The following THOC5 variants were observed in gnomAD, a reference collection of about 807,000 sequenced individuals.
The protein encoded by THOC5 is THO complex subunit 5, also known as Fms-interacting protein.
A neutral mutation model predicts 92.9 loss-of-function variants in THOC5; 43 were observed. The observed-to-expected ratio is 0.46, with a 90% CI of 0.36 to 0.60. THOC5 has a LOEUF of 0.60. Among genes scored for constraint, THOC5 ranks in the 20% least tolerant of loss-of-function variants. The probability of loss-of-function intolerance (pLI) is 0.00; values close to 1 mark genes in which losing one functional copy is unlikely to be tolerated. For synonymous variants in THOC5, 296 were observed against 320.1 expected, an observed-to-expected ratio of 0.92 and a Z score of 0.80; for missense variants, 659 against 849.4, an observed-to-expected ratio of 0.78 and a Z score of 2.79.
At chr22:29,512,172 T>G (rs759840657) in intron 17 of THOC5, 36 bp from the exon 18 acceptor site, 1 of 1,575,884 alleles carries the variant, frequency 6.3e-7, no homozygotes, top group Non-Finnish European at 8.7e-7. Context: ...TGCGCAGTTC[T>G]AAGACTCAGC....
intron 11 of THOC5, among the ~76,000 whole-genome samples, chr22:29,527,737 A>G (rs890205612): frequency 6.6e-6 from 1 of 152,168 alleles, no homozygotes; most frequent in Admixed American, 6.5e-5. Flanking sequence ...TACTCTGCAG[A>G]ATACAAAGTT....
intron 11 of THOC5, among the ~76,000 whole-genome samples, 191 bp from the exon 12 acceptor site, chr22:29,526,137 G>A (rs925784789): frequency 4.0e-5 from 6 of 151,850 alleles, no homozygotes; most frequent in African/African-American, 1.2e-4. Flanking sequence ...GTAACAAATC[G>A]GCACATGTAT....
At chr22:29,518,274 C>CTGTCT (rs1209195681) in intron 15 of THOC5, among the ~76,000 whole-genome samples, 3 of 152,146 alleles carry the variant, frequency 2.0e-5, no homozygotes, top group Non-Finnish European at 4.4e-5. Context: ...CTCAAGTGAT[C>CTGTCT]TGTCTGCCTT....
At chr22:29,521,427 A>T (rs531359296) in intron 12 of THOC5, among the ~76,000 whole-genome samples, 3 of 152,276 alleles carry the variant, frequency 2.0e-5, no homozygotes, top group South Asian at 2.1e-4. Flanking sequence ...ATTAATTTTT[A>T]AAAAACTCAT....
chr22:29,547,702 T>C (rs2064052085), intron 2 of THOC5, among the ~76,000 whole-genome samples: 1 of 152,206 alleles, frequency 6.6e-6, no homozygotes, highest in Admixed American at 6.5e-5. Context: ...AACAAGTCTC[T>C]AGGAGGTTCC....
intron 5 of THOC5, among the ~76,000 whole-genome samples, chr22:29,540,183 A>G (rs577740270): frequency 6.6e-6 from 1 of 152,200 alleles, no homozygotes; most frequent in East Asian, 1.9e-4. Flanking sequence ...GAGGCAGGAG[A>G]ATCGCTCGAA....
At chr22:29,546,303 G>A (rs558266645) in intron 2 of THOC5, among the ~76,000 whole-genome samples, 23 of 152,308 alleles carry the variant, frequency 1.5e-4, no homozygotes, top group African/African-American at 4.8e-4. Flanking sequence ...ACATGGCCTG[G>A]AGACGCTTTC....
chr22:29,508,116 C>T lies in THOC5; in HGVS notation c.*341G>A, dbSNP rs1386325394. Reference sequence around the variant, plus strand: ...GAACTTGGGATAATAAATACAAGATCATGAGGACCTCACCCCGCAAAGCAC... The same window carrying T: ...GAACTTGGGATAATAAATACAAGATTATGAGGACCTCACCCCGCAAAGCAC... On this transcript the variant is annotated 3_prime_UTR_variant, in exon 20 of 20. Transcript: ENST00000490103. 4.0e-6 allele frequency: 1 copy of T among 247,786 alleles called. No individual in the cohort carries two copies. Among genetic ancestry groups the T allele is most frequent in the African/African-American group, 2.3e-5 (1 of 44,296 alleles). The allele number at this position is 247,786 out of a possible 1,614,324, so 15.3% of individuals were successfully genotyped here.
intron 13 of THOC5, among the ~76,000 whole-genome samples, chr22:29,520,778 G>T (rs752088641): frequency 1.3e-5 from 2 of 152,230 alleles, no homozygotes; most frequent in South Asian, 4.1e-4. Context: ...TTACAGGCGT[G>T]AGCCACCACA....
chr22:29,541,933 A>G (rs1298856896), intron 5 of THOC5, among the ~76,000 whole-genome samples: 2 of 137,628 alleles, frequency 1.5e-5, no homozygotes, highest in Non-Finnish European at 3.1e-5. Context: ...TCCTGGACCC[A>G]ATGTCTAATA....
chr22:29,529,234 T>G lies in THOC5; in HGVS notation c.853A>C (p.Thr285Pro), dbSNP rs374911362. ...CTGCCTTCGATTGCCACAGATAACG[T>G]CTTATCTGGGGGGCAAGAAGAAGTC... ...ATAYGQACDKTLSVAIEGSVD... is the reference protein window; with the variant it reads ...ATAYGQACDKPLSVAIEGSVD... Residue 285 changes from threonine (T) to proline (P), a missense_variant, in exon 9 of 20, where the codon ACG becomes CCG. Physicochemically the swap from Thr to Pro is conservative, Grantham distance 38. Coordinates refer to ENST00000490103, the MANE Select transcript of THOC5 (RefSeq NM_003678.5). The G allele has an allele frequency of 1.2e-6, 2 of 1,613,976 alleles. No individual in the cohort carries two copies. Among genetic ancestry groups the G allele is most frequent in the Non-Finnish European group, 1.7e-6 (2 of 1,180,022 alleles).
At position 29,519,008 on chromosome 22, in the gene THOC5, A is replaced by T; in HGVS notation, c.1487T>A (p.Leu496Gln). The T allele has an allele frequency of 6.3e-7, 1 of 1,593,782 alleles. No individual in the cohort carries two copies. The highest frequency in any genetic ancestry group is 8.6e-7 in the Non-Finnish European group (1 of 1,167,462). The change falls in exon 15 of 20, where the codon CTA (leucine) becomes CAA (glutamine). Residue 496 changes from leucine (L) to glutamine (Q), a missense_variant and splice_region_variant. Transcript: ENST00000490103. Reference sequence around the variant, plus strand: ...CCACTGCCCCATCATCAGCTTACCTAGGGATGCAAACTGTTTGTGGAGGGC... The same window carrying T: ...CCACTGCCCCATCATCAGCTTACCTTGGGATGCAAACTGTTTGTGGAGGGC... Reference protein sequence around the residue: ...RLALHKQFASLEHGIVPVTSD... With the variant: ...RLALHKQFASQEHGIVPVTSD...
rs778715676 is a variant in THOC5 at position 29,529,273 on chromosome 22, G to A, written c.848-34C>T. On this transcript the variant is annotated intron_variant, in intron 8 of 19. Coordinates refer to ENST00000490103, the MANE Select transcript of THOC5 (RefSeq NM_003678.5). ...CAAGAAGAAGTCTGTTAGGAAAGCT[G>A]CTGAGGAAAGCTGCTAAGCAGTGTG... The A allele has an allele frequency of 3.1e-6, 5 of 1,609,784 alleles. No individual in the cohort carries two copies. The African/African-American group carries it at 5.3e-5, about 17-fold the overall frequency.
At position 29,506,919 on chromosome 22, in the gene THOC5, C is replaced by G. The variant is rs2063145876; in HGVS notation, c.*1538G>C. 2.0e-5 allele frequency: 3 copies of G among 152,124 alleles called. No homozygotes were observed. 9.4% of individuals were successfully genotyped at this position (152,124 alleles called of 1,614,324 possible). Reference sequence around the variant, plus strand: ...TCGCATTGTTTCCCAGGCTGGAGTACAGTACAGGCACGATGAATAGCTCAC... The same window carrying G: ...TCGCATTGTTTCCCAGGCTGGAGTAGAGTACAGGCACGATGAATAGCTCAC... On this transcript the variant is annotated 3_prime_UTR_variant, in exon 20 of 20. Coordinates refer to ENST00000490103, the MANE Select transcript of THOC5 (RefSeq NM_003678.5).
At chr22:29,525,140 G>A (rs1014884540) in intron 12 of THOC5, among the ~76,000 whole-genome samples, 6 of 152,130 alleles carry the variant, frequency 3.9e-5, no homozygotes, top group Non-Finnish European at 7.3e-5. Context: ...GCCAGGCATG[G>A]TGGCATGCAC....
chr22:29,529,618 C>T (rs2063613552), intron 8 of THOC5, among the ~76,000 whole-genome samples: 1 of 152,224 alleles, frequency 6.6e-6, no homozygotes, highest in Admixed American at 6.5e-5. Flanking sequence ...GTCCACATCC[C>T]AGAAACAATG....
At chr22:29,549,712 A>G (rs1213398198) in intron 1 of THOC5, among the ~76,000 whole-genome samples, 7 of 151,978 alleles carry the variant, frequency 4.6e-5, no homozygotes, top group South Asian at 4.1e-4. Context: ...TTTGTCCCCA[A>G]CCTACCTTCC....
At chr22:29,511,416 G>C in intron 18 of THOC5, 120 bp from the exon 19 acceptor site, 1 of 1,054,666 alleles carries the variant, frequency 9.5e-7, no homozygotes, top group Non-Finnish European at 1.4e-6. Flanking sequence ...GCTGGGCCAG[G>C]GGCTAGGCCA....
chr22:29,525,408 C>T (rs373405383), intron 12 of THOC5, among the ~76,000 whole-genome samples: 1 of 152,188 alleles, frequency 6.6e-6, no homozygotes, highest in Admixed American at 6.5e-5. Context: ...CCTCCCACCA[C>T]CCAGATAAGG....
Sources: gnomAD v4.1 joint callset for allele counts (sites outside exome capture counted in the v4.1 genomes callset) on GRCh38, gnomAD v4.1.1 for gene constraint, MANE v1.5 for transcripts, NCBI Gene and HGNC (gene_info 2026-07-23, HGNC 2026-07-21) for gene names.